TRIM2: variants seen among roughly 807,000 people sequenced by gnomAD.
The protein encoded by TRIM2 is tripartite motif-containing protein 2.
A neutral mutation model predicts 75.2 loss-of-function variants in TRIM2; 20 were observed. The observed-to-expected ratio is 0.27, with a 90% CI of 0.19 to 0.39. TRIM2 has a LOEUF of 0.39. Ranked by LOEUF, TRIM2 falls within the 10% of genes least tolerant of loss-of-function variation. TRIM2 has a pLI of 1.00. For synonymous variants in TRIM2, 373 were observed against 388.3 expected, an observed-to-expected ratio of 0.96 and a Z score of 0.46; for missense variants, 660 against 990.8, an observed-to-expected ratio of 0.67 and a Z score of 4.48.
At position 153,249,953 on chromosome 4, in the gene TRIM2, G is replaced by C. The variant is rs144242639; in HGVS notation, c.31-20382G>C. 6.6e-5 allele frequency among the ~76,000 whole-genome samples: 10 copies of C among 152,284 alleles called. No individual in the cohort carries two copies. In the East Asian group the frequency reaches 1.3e-3, roughly 21 times the overall value. On this transcript the variant is annotated intron_variant, in intron 1 of 11. Coordinates refer to ENST00000338700, the MANE Select transcript of TRIM2 (RefSeq NM_015271.5). Reference sequence around the variant, plus strand: ...TAGATAGAGTCAACTTTGAATTCTCGAGGCCAAGCAATGGGCGAAACAAAA... The same window carrying C: ...TAGATAGAGTCAACTTTGAATTCTCCAGGCCAAGCAATGGGCGAAACAAAA...
intron 1 of TRIM2, among the ~76,000 whole-genome samples, chr4:153,192,955 G>A (rs1733361636): frequency 6.6e-6 from 1 of 152,064 alleles, no homozygotes; most frequent in African/African-American, 2.4e-5. Flanking sequence ...TTTTAAAGCT[G>A]TTTTATTTTT....
chr4:153,189,170 A>G (rs1485376076), intron 1 of TRIM2, among the ~76,000 whole-genome samples: 1 of 152,206 alleles, frequency 6.6e-6, no homozygotes, highest in Non-Finnish European at 1.5e-5. Flanking sequence ...GTTTCTAACT[A>G]GAATGCTGTT....
At position 153,276,065 on chromosome 4, in the gene TRIM2, A is replaced by G. The variant is rs776363552; in HGVS notation, c.388A>G (p.Ile130Val). The change falls in exon 3 of 12, where the codon ATC (isoleucine) becomes GTC (valine). Residue 130 changes from isoleucine (I) to valine (V), a missense_variant. Physicochemically the swap from Ile to Val is conservative, Grantham distance 29 (BLOSUM62 3). Transcript: ENST00000338700. The part of the protein sequence containing the change: ...TPGSNAEESS[I>V]LETVTAVAAG... The stretch of plus-strand genomic sequence containing the variant: ...AGGCAGCAACGCTGAGGAGTCTTCC[A>G]TCCTGGAGACAGTCACTGCTGTGGC... The G allele has an allele frequency of 2.1e-5, 34 of 1,614,128 alleles. No homozygotes were observed. Among genetic ancestry groups the G allele is most frequent in the Middle Eastern group, 1.6e-4 (1 of 6,084 alleles).
chr4:153,232,305 C>G (rs1480526077), intron 1 of TRIM2, among the ~76,000 whole-genome samples: 2 of 152,008 alleles, frequency 1.3e-5, no homozygotes, highest in African/African-American at 4.8e-5. Flanking sequence ...TCGAGACCAG[C>G]CTGGCCAACA....
At chr4:153,325,759 T>C (rs1248899742) in intron 10 of TRIM2, among the ~76,000 whole-genome samples, 1 of 152,226 alleles carries the variant, frequency 6.6e-6, no homozygotes, top group Non-Finnish European at 1.5e-5. Context: ...TCATAATTAA[T>C]CAAGTGGCTC....
chr4:153,265,640 G>A (rs913138160), intron 1 of TRIM2: 1 of 152,154 alleles, frequency 6.6e-6, no homozygotes, highest in African/African-American at 2.4e-5. Flanking sequence ...ACCGCGCATG[G>A]CCAGTTTAAC....
intron 1 of TRIM2, among the ~76,000 whole-genome samples, chr4:153,165,760 G>A (rs1037268414): frequency 2.0e-5 from 3 of 152,050 alleles, no homozygotes; most frequent in Non-Finnish European, 4.4e-5. Flanking sequence ...TTGCTGCTGG[G>A]TCCTCCATAG....
At chr4:153,162,922 G>A (rs778971875) in intron 1 of TRIM2, among the ~76,000 whole-genome samples, 3 of 152,072 alleles carry the variant, frequency 2.0e-5, no homozygotes, top group Non-Finnish European at 4.4e-5. Flanking sequence ...AAACAGGTTG[G>A]GACATGGACC....
chr4:153,219,130 G>A (rs920671654), intron 1 of TRIM2, among the ~76,000 whole-genome samples: 4 of 152,116 alleles, frequency 2.6e-5, no homozygotes, highest in Non-Finnish European at 5.9e-5. Flanking sequence ...CATAAGGTGT[G>A]TGCTCAGTAA....
chr4:153,322,210 C>T (rs149852922), intron 8 of TRIM2, among the ~76,000 whole-genome samples: 4,309 of 152,090 alleles, frequency 0.028, 88 homozygotes, highest in Non-Finnish European at 0.043. Context: ...GAGTTCAAGA[C>T]GAGCCTGGCC....
chr4:153,284,071 G>A (rs28776259), intron 3 of TRIM2, among the ~76,000 whole-genome samples: 1 of 150,684 alleles, frequency 6.6e-6, no homozygotes, highest in East Asian at 2.0e-4. Flanking sequence ...TAGAGATGGG[G>A]TTTCACCATG....
intron 1 of TRIM2, among the ~76,000 whole-genome samples, chr4:153,189,913 A>G (rs1733011212): frequency 6.6e-6 from 1 of 152,172 alleles, no homozygotes; most frequent in African/African-American, 2.4e-5. Flanking sequence ...GAATGATGGT[A>G]TGAGGCAATA....
At chr4:153,263,696 G>A (rs72729605) in intron 1 of TRIM2, among the ~76,000 whole-genome samples, 12,985 of 152,242 alleles carry the variant, frequency 0.085, 716 homozygotes, top group Middle Eastern at 0.13. Flanking sequence ...AAAATGCCAT[G>A]GATTGGATGA....
At chr4:153,243,818 T>TC (rs77308682) in intron 1 of TRIM2, among the ~76,000 whole-genome samples, 290 of 98,710 alleles carry the variant, frequency 2.9e-3, no homozygotes, top group South Asian at 6.8e-3. Context: ...TTTTTTTTTT[T>TC]CCCCCCCCCC....
At chr4:153,202,182 G>T (rs1469641585), upstream of TRIM2, among the ~76,000 whole-genome samples, 2 of 152,188 alleles carry the variant, frequency 1.3e-5, no homozygotes, top group African/African-American at 4.8e-5. Context: ...TTGAGAAAAA[G>T]TTTGCGGAAA....
intron 1 of TRIM2, among the ~76,000 whole-genome samples, chr4:153,153,571 A>G (rs553410743): frequency 6.6e-6 from 1 of 152,364 alleles, no homozygotes; most frequent in South Asian, 2.1e-4. Flanking sequence ...CTAGGCAGCC[A>G]GGGCAGGCAG....
At chr4:153,260,686 A>C (rs1031616731) in intron 1 of TRIM2, among the ~76,000 whole-genome samples, 229 of 17,186 alleles carry the variant, frequency 0.013, no homozygotes, top group South Asian at 0.053. Flanking sequence ...CCACCCACAC[A>C]CCCACCCCCC....
intron 4 of TRIM2, among the ~76,000 whole-genome samples, chr4:153,293,553 C>A (rs1452660091): frequency 6.6e-6 from 1 of 152,180 alleles, no homozygotes; most frequent in Admixed American, 6.5e-5. Context: ...TGGTCTTGAG[C>A]AGTGATTGCT....
At chr4:153,286,771 C>G (rs535221720) in intron 3 of TRIM2, among the ~76,000 whole-genome samples, 1 of 149,992 alleles carries the variant, frequency 6.7e-6, no homozygotes, top group African/African-American at 2.5e-5. Flanking sequence ...CCGCACCCCC[C>G]CACCATCTCA....
Sources: gnomAD v4.1 joint callset for allele counts (sites outside exome capture counted in the v4.1 genomes callset) on GRCh38, gnomAD v4.1.1 for gene constraint, MANE v1.5 for transcripts, NCBI Gene and HGNC (gene_info 2026-07-23, HGNC 2026-07-21) for gene names.